Variants in STXBP4 observed in about 807,000 individuals in gnomAD.
STXBP4 encodes the protein syntaxin-binding protein 4.
In STXBP4, 55 loss-of-function variants were observed where a neutral mutation model predicts 76.1. The observed-to-expected ratio is 0.72, with a 90% CI of 0.58 to 0.91. The LOEUF (loss-of-function observed/expected upper bound fraction) is 0.91, where lower values mean the gene tolerates loss of function less well. Among genes scored for constraint, STXBP4 ranks in the 40% least tolerant of loss-of-function variants. STXBP4 has a pLI of 0.00. For synonymous variants in STXBP4, 201 were observed against 220.2 expected, an observed-to-expected ratio of 0.91 and a Z score of 0.77; for missense variants, 618 against 636.9, an observed-to-expected ratio of 0.97 and a Z score of 0.32.
At chr17:55,190,984 G>A in the STXBP4 span, among the ~76,000 whole-genome samples, 1 of 152,184 alleles carries the variant, frequency 6.6e-6, no homozygotes, top group Non-Finnish European at 1.5e-5. Flanking sequence ...CAGGGGAAAG[G>A]CCAATCCCCA....
At chr17:55,030,208 A>G (rs1325120956) in intron 8 of STXBP4, among the ~76,000 whole-genome samples, 3 of 152,182 alleles carry the variant, frequency 2.0e-5, no homozygotes, top group Non-Finnish European at 4.4e-5. Flanking sequence ...TCAGAGTATC[A>G]GGGACCATGT....
chr17:55,082,802 G>A (rs1170576155), intron 16 of STXBP4, among the ~76,000 whole-genome samples: 1 of 151,660 alleles, frequency 6.6e-6, no homozygotes, highest in Admixed American at 6.6e-5. Context: ...TGCATAACAG[G>A]GAGATTCTGA....
At chr17:54,999,917 A>G in intron 6 of STXBP4, 75 bp downstream of exon 6, 2 of 959,300 alleles carry the variant, frequency 2.1e-6, no homozygotes, top group Non-Finnish European at 3.1e-6. Context: ...TTGGTTATGT[A>G]CATATAGAAT....
chr17:55,010,169 A>G (rs1251908195), intron 8 of STXBP4, among the ~76,000 whole-genome samples: 1 of 152,076 alleles, frequency 6.6e-6, no homozygotes, highest in Non-Finnish European at 1.5e-5. Flanking sequence ...TTTATTAAGT[A>G]ATTAGCCTAC....
At position 55,167,900 on chromosome 17, in the gene STXBP4, A is replaced by C. The variant is rs959444716; in HGVS notation, c.*7989A>C. 2 of 152,230 alleles carry C rather than the reference A, an allele frequency of 1.3e-5. No individual in the cohort carries two copies. Among genetic ancestry groups the C allele is most frequent in the African/African-American group, 4.8e-5 (2 of 41,466 alleles). 9.4% of individuals were successfully genotyped at this position (152,230 alleles called of 1,614,324 possible). On this transcript the variant is annotated 3_prime_UTR_variant, in exon 18 of 18. Transcript: ENST00000376352. ...AGACAAAACAAATTGAGTAGATAAT[A>C]AAGTTACCTTATAGGAATAGGTAAT...
At chr17:55,196,667 A>G in the STXBP4 span, among the ~76,000 whole-genome samples, 2 of 152,334 alleles carry the variant, frequency 1.3e-5, no homozygotes, top group African/African-American at 2.4e-5. Flanking sequence ...CCTTTAAGAT[A>G]TACATCTCTC....
At chr17:54,980,668 G>A (rs1452262915) in intron 1 of STXBP4, among the ~76,000 whole-genome samples, 1 of 152,174 alleles carries the variant, frequency 6.6e-6, no homozygotes, top group Non-Finnish European at 1.5e-5. Context: ...GCCATGCAGT[G>A]CAAAGGGAGT....
At chr17:55,201,931 G>T in the STXBP4 span, among the ~76,000 whole-genome samples, 2 of 152,196 alleles carry the variant, frequency 1.3e-5, no homozygotes, top group African/African-American at 4.8e-5. Flanking sequence ...ATGTTGCAGG[G>T]TGATTAGCAT....
chr17:55,108,733 T>A (rs2079670919), intron 16 of STXBP4, among the ~76,000 whole-genome samples: 1 of 152,184 alleles, frequency 6.6e-6, no homozygotes, highest in Non-Finnish European at 1.5e-5. Context: ...CTCCATGGGC[T>A]GCACCCACTG....
the STXBP4 span, among the ~76,000 whole-genome samples, chr17:55,187,429 TAA>T: frequency 7.0e-6 from 1 of 143,378 alleles, no homozygotes. Context: ...GCTTATGATT[TAA>T]AAAAAAAAAA....
chr17:55,041,921 A>G (rs2078704453), intron 10 of STXBP4, among the ~76,000 whole-genome samples: 2 of 152,172 alleles, frequency 1.3e-5, no homozygotes, highest in African/African-American at 4.8e-5. Context: ...TTACATTTTA[A>G]AATGTGTTCA....
chr17:55,045,083 T>C (rs1293357034), intron 11 of STXBP4, among the ~76,000 whole-genome samples: 1 of 152,128 alleles, frequency 6.6e-6, no homozygotes, highest in Non-Finnish European at 1.5e-5. Context: ...ACAGAATGAA[T>C]GTCTGAAAAT....
intron 14 of STXBP4, 87 bp from the exon 15 acceptor site, chr17:55,078,599 A>T (rs2079217460): frequency 1.2e-6 from 1 of 820,742 alleles, no homozygotes. Context: ...CCGTGGACAG[A>T]GGAGGTTATA....
chr17:55,034,299 T>A, intron 10 of STXBP4, 40 bp downstream of exon 10: 1 of 1,435,088 alleles, frequency 7.0e-7, no homozygotes, highest in Non-Finnish European at 9.5e-7. Context: ...CATGTATAAG[T>A]CACAAGTCTT....
chr17:54,999,584 GT>G, intron 5 of STXBP4, 47 bp from the exon 6 acceptor site: 1 of 1,537,642 alleles, frequency 6.5e-7, no homozygotes, highest in Non-Finnish European at 8.9e-7. Context: ...GATTTCAGTT[GT>G]ACTATATTCA....
At chr17:54,992,092 G>C (rs778124957) in intron 4 of STXBP4, among the ~76,000 whole-genome samples, 1 of 151,958 alleles carries the variant, frequency 6.6e-6, no homozygotes, top group Non-Finnish European at 1.5e-5. Flanking sequence ...AGATAATAAG[G>C]CATCTTTTAA....
chr17:55,056,236 A>G (rs953192588), intron 12 of STXBP4, among the ~76,000 whole-genome samples: 2 of 152,290 alleles, frequency 1.3e-5, no homozygotes, highest in South Asian at 2.1e-4. Flanking sequence ...TTACTTTAGC[A>G]TGCAGTAATA....
intron 11 of STXBP4, among the ~76,000 whole-genome samples, chr17:55,046,241 G>A (rs2078785876): frequency 6.6e-6 from 1 of 151,976 alleles, no homozygotes; most frequent in African/African-American, 2.4e-5. Flanking sequence ...GGAGCCAGCA[G>A]TCTCTTGGCT....
At chr17:55,182,644 A>G in the STXBP4 span, among the ~76,000 whole-genome samples, 2 of 152,128 alleles carry the variant, frequency 1.3e-5, no homozygotes, top group African/African-American at 4.8e-5. Context: ...ATACAAAGAA[A>G]GCCACATCTA....
Sources: allele counts gnomAD v4.1 joint callset (sites outside exome capture counted in the v4.1 genomes callset), GRCh38; gene constraint gnomAD v4.1.1; transcripts MANE v1.5; gene names NCBI Gene and HGNC (gene_info 2026-07-23, HGNC 2026-07-21).